The following MARCHF1 variants were observed in gnomAD, a reference collection of about 807,000 sequenced individuals.
MARCHF1 encodes E3 ubiquitin-protein ligase MARCHF1.
A neutral mutation model predicts 54.2 loss-of-function variants in MARCHF1; 40 were observed. The ratio of observed to expected loss-of-function variants is 0.74; its 90% CI spans 0.57 to 0.96. MARCHF1 has a LOEUF of 0.96. MARCHF1 is among the 40% of genes least tolerant of loss of function. The pLI is 0.00. For synonymous variants in MARCHF1, 236 were observed against 236.3 expected, an observed-to-expected ratio of 1.00 and a Z score of 0.01; for missense variants, 586 against 656.5, an observed-to-expected ratio of 0.89 and a Z score of 1.17.
intron 3 of MARCHF1, among the ~76,000 whole-genome samples, chr4:163,866,922 G>A (rs1750064691): frequency 6.6e-6 from 1 of 151,874 alleles, no homozygotes; most frequent in Admixed American, 6.6e-5. Context: ...CAACAATGAG[G>A]TATCACAATG....
At position 164,369,931 on chromosome 4, in the gene MARCHF1, A is replaced by C. The variant is rs548981952; in HGVS notation, c.-323+13939T>G. 6.6e-5 allele frequency among the ~76,000 whole-genome samples: 10 copies of C among 152,330 alleles called. No individual in the cohort carries two copies. In the South Asian group the frequency reaches 2.1e-3, roughly 32 times the overall value. ...AAATCAACATGCATCACCAATAAAC[A>C]TTTAGAACATGTATCTTTTTAAATA... On this transcript the variant is annotated intron_variant, in intron 1 of 9. Transcript: ENST00000514618.
At chr4:163,981,274 A>C (rs1228011588) in intron 3 of MARCHF1, among the ~76,000 whole-genome samples, 2 of 152,218 alleles carry the variant, frequency 1.3e-5, no homozygotes, top group Non-Finnish European at 2.9e-5. Context: ...AAGTAAGTCC[A>C]CATCATTTGC....
At chr4:163,799,247 C>A (rs1748010527) in intron 4 of MARCHF1, among the ~76,000 whole-genome samples, 1 of 152,078 alleles carries the variant, frequency 6.6e-6, no homozygotes, top group South Asian at 2.1e-4. Context: ...CAGAGACTAG[C>A]AGGCCAGCAT....
At chr4:164,119,381 A>C (rs909072143) in intron 1 of MARCHF1, among the ~76,000 whole-genome samples, 1 of 151,522 alleles carries the variant, frequency 6.6e-6, no homozygotes, top group African/African-American at 2.4e-5. Flanking sequence ...AAATACAAAT[A>C]ATAAATACAA....
intron 2 of MARCHF1, among the ~76,000 whole-genome samples, chr4:164,050,757 A>G (rs1430489299): frequency 6.6e-6 from 1 of 152,132 alleles, no homozygotes; most frequent in African/African-American, 2.4e-5. Context: ...ACATGGAGAA[A>G]CCCTGTCTCT....
chr4:163,713,980 C>A (rs143722568), intron 4 of MARCHF1, among the ~76,000 whole-genome samples: 93 of 152,246 alleles, frequency 6.1e-4, no homozygotes, highest in Admixed American at 1.2e-3. Flanking sequence ...AACAAATAAG[C>A]ATAACAATAA....
At chr4:163,680,334 C>T (rs1744063323) in intron 5 of MARCHF1, among the ~76,000 whole-genome samples, 1 of 152,226 alleles carries the variant, frequency 6.6e-6, no homozygotes, top group Admixed American at 6.5e-5. Flanking sequence ...TTTTGAGATA[C>T]CACAGTCCAA....
At position 163,585,758 on chromosome 4, in the gene MARCHF1, G is replaced by A; in HGVS notation, c.1182C>T (p.Pro394=). ...YDFIMETKLK[P]LRKWEKLQMT... ...CCTATGGATACTGTACCTTCCGGAG[G>A]GGTTTGAGCTTGGTCTCCATTATGA... Residue 394 remains proline (P), a synonymous_variant, in exon 8 of 10, where the codon CCC becomes CCT. Transcript: ENST00000514618. 6.3e-7 allele frequency: 1 copy of A among 1,598,884 alleles called. No homozygotes were observed. The highest frequency in any genetic ancestry group is 8.5e-7 in the Non-Finnish European group (1 of 1,171,320).
intron 3 of MARCHF1, among the ~76,000 whole-genome samples, chr4:163,918,106 GTA>G (rs1295830805): frequency 1.3e-5 from 2 of 152,196 alleles, no homozygotes; most frequent in Non-Finnish European, 2.9e-5. Flanking sequence ...TCAATTTTCT[GTA>G]TATGGCTAGC....
chr4:163,714,576 CG>C (rs1745203539), intron 4 of MARCHF1, among the ~76,000 whole-genome samples: 3 of 152,164 alleles, frequency 2.0e-5, no homozygotes, highest in Non-Finnish European at 4.4e-5. Context: ...TTAAGTAGGA[CG>C]GTAATTCTAC....
intron 3 of MARCHF1, among the ~76,000 whole-genome samples, chr4:163,980,559 C>T (rs1409210455): frequency 2.0e-5 from 3 of 152,134 alleles, no homozygotes; most frequent in Non-Finnish European, 4.4e-5. Flanking sequence ...GCAAAAGGGG[C>T]CCTTTAATTC....
intron 8 of MARCHF1, among the ~76,000 whole-genome samples, chr4:163,576,802 C>G (rs77634716): frequency 4.8e-5 from 7 of 147,244 alleles, no homozygotes; most frequent in African/African-American, 1.7e-4. Flanking sequence ...ATGTAATATC[C>G]TTCTTTGTCC....
At chr4:164,040,512 T>C (rs1322230170) in intron 2 of MARCHF1, among the ~76,000 whole-genome samples, 1 of 150,026 alleles carries the variant, frequency 6.7e-6, no homozygotes, top group East Asian at 1.9e-4. Flanking sequence ...TTTTAAAGTA[T>C]ATAGAATTTA....
At chr4:164,184,401 A>G (rs1242730096) in intron 1 of MARCHF1, among the ~76,000 whole-genome samples, 2 of 152,178 alleles carry the variant, frequency 1.3e-5, no homozygotes, top group South Asian at 2.1e-4. Context: ...GTGAATAGTT[A>G]TCCACTTTTA....
At position 163,954,506 on chromosome 4, in the gene MARCHF1, A is replaced by G. The variant is rs59387998; in HGVS notation, c.-39+33995T>C. Among the ~76,000 whole-genome samples the G allele has an allele frequency of 2.7e-3, 416 of 152,308 alleles. 17 individuals are homozygous for G. In the East Asian group the frequency reaches 0.073, roughly 27 times the overall value. The stretch of plus-strand genomic sequence containing the variant: ...TAGGTAAAAATAAAATGCATATTTT[A>G]AAAGATGCATAATTGTATGCAATGT... On this transcript the variant is annotated intron_variant, in intron 3 of 9. Transcript: ENST00000514618.
rs1164316343 is a variant in MARCHF1, at chr4:164,111,579, T to C, written c.-248+9A>G. 2 of 151,742 alleles carry C rather than the reference T, an allele frequency of 1.3e-5. No individual in the cohort carries two copies. Among genetic ancestry groups the C allele is most frequent in the Admixed American group, 6.6e-5 (1 of 15,196 alleles). The allele number at this position is 151,742 out of a possible 1,614,324, so 9.4% of individuals were successfully genotyped here. ...TTTAAAGAATAAAGATAAAAATAGA[T>C]GAACTTACAAAATACAGCAGTCTTG... On this transcript the variant is annotated intron_variant, in intron 2 of 9. Transcript: ENST00000514618.
intron 1 of MARCHF1, among the ~76,000 whole-genome samples, chr4:164,186,098 G>C (rs1177069959): frequency 1.3e-5 from 2 of 152,092 alleles, no homozygotes; most frequent in African/African-American, 4.8e-5. Flanking sequence ...TTGCCATGTT[G>C]GCCAGGCTGG....
At chr4:164,114,245 T>C (rs925726722) in intron 1 of MARCHF1, among the ~76,000 whole-genome samples, 2 of 152,006 alleles carry the variant, frequency 1.3e-5, no homozygotes, top group Non-Finnish European at 2.9e-5. Flanking sequence ...TGTATACATA[T>C]ATGTATATTC....
intron 3 of MARCHF1, among the ~76,000 whole-genome samples, chr4:163,873,164 T>C (rs904047650): frequency 2.0e-5 from 3 of 152,248 alleles, no homozygotes; most frequent in African/African-American, 4.8e-5. Flanking sequence ...CTTCAGCTAA[T>C]GAACAATCTC....
Sources: gnomAD v4.1 joint callset for allele counts (sites outside exome capture counted in the v4.1 genomes callset) on GRCh38, gnomAD v4.1.1 for gene constraint, MANE v1.5 for transcripts, NCBI Gene and HGNC (gene_info 2026-07-23, HGNC 2026-07-21) for gene names.